ARHGAP10: variants seen among roughly 807,000 people sequenced by gnomAD.
The protein encoded by ARHGAP10 is Rho GTPase activating protein 10, also known as rho GTPase-activating protein 10.
In ARHGAP10, 87 loss-of-function variants were observed where a neutral mutation model predicts 108.6. The observed-to-expected ratio is 0.80, with a 90% CI of 0.67 to 0.96. ARHGAP10 has a LOEUF of 0.96. Among genes scored for constraint, ARHGAP10 ranks in the 40% least tolerant of loss-of-function variants. The pLI, the probability that ARHGAP10 is intolerant of heterozygous loss-of-function variation, is 0.00. For synonymous variants in ARHGAP10, 347 were observed against 341.1 expected, an observed-to-expected ratio of 1.02 and a Z score of -0.19; for missense variants, 939 against 954.5, an observed-to-expected ratio of 0.98 and a Z score of 0.21.
Position 147,855,990 on chromosome 4 carries a change from G to C in ARHGAP10, c.385-1563G>C, listed in dbSNP as rs78574876. Among the ~76,000 whole-genome samples, 190 of 152,260 alleles carry C rather than the reference G, an allele frequency of 1.2e-3. 2 individuals carry two copies. The East Asian group carries it at 0.021, about 17-fold the overall frequency. The stretch of plus-strand genomic sequence containing the variant: ...TGGAATAGTTCATTATTTTTGCTTT[G>C]GAAAATACAAGTTGGAAAATTAGGG... On this transcript the variant is annotated intron_variant, in intron 4 of 22. Transcript: ENST00000336498.
chr4:147,906,774 T>A, intron 11 of ARHGAP10, 55 bp downstream of exon 11: 28 of 1,588,510 alleles, frequency 1.8e-5, no homozygotes, highest in Non-Finnish European at 2.4e-5. Context: ...TTGACTTGCA[T>A]TCATTTTTAT....
intron 15 of ARHGAP10, among the ~76,000 whole-genome samples, chr4:147,947,909 CCTT>C (rs1738447799): frequency 2.0e-5 from 3 of 151,194 alleles, no homozygotes; most frequent in Non-Finnish European, 4.4e-5. Context: ...AACATTCCAT[CCTT>C]CTTAATTCAT....
chr4:147,814,984 A>G (rs370044058), intron 1 of ARHGAP10, among the ~76,000 whole-genome samples: 1 of 152,220 alleles, frequency 6.6e-6, no homozygotes, highest in African/African-American at 2.4e-5. Context: ...CCATTAAACC[A>G]GGCTTTCTTG....
chr4:147,836,944 A>G (rs1336042566), intron 3 of ARHGAP10, among the ~76,000 whole-genome samples: 1 of 152,220 alleles, frequency 6.6e-6, no homozygotes, highest in Non-Finnish European at 1.5e-5. Flanking sequence ...ATCTAAAAAT[A>G]GAACTAGTTA....
intron 8 of ARHGAP10, among the ~76,000 whole-genome samples, chr4:147,875,768 TG>T (rs1735033398): frequency 1.3e-5 from 2 of 152,228 alleles, no homozygotes; most frequent in African/African-American, 4.8e-5. Flanking sequence ...TTTTAGTCTT[TG>T]TTGCTGTCTT....
At chr4:147,886,856 C>T (rs182245271) in intron 10 of ARHGAP10, among the ~76,000 whole-genome samples, 64 of 152,256 alleles carry the variant, frequency 4.2e-4, no homozygotes, top group African/African-American at 1.3e-3. Flanking sequence ...CCGCAACCTC[C>T]GCCTCCTGGG....
rs1221272782 is a variant in ARHGAP10, at chr4:147,857,649, C to T, written c.481C>T (p.Gln161Ter). 1 of 1,472,478 alleles carries T rather than the reference C, an allele frequency of 6.8e-7. No individual in the cohort carries two copies. Among genetic ancestry groups the T allele is most frequent in the Non-Finnish European group, 9.0e-7 (1 of 1,111,806 alleles). 91.2% of individuals were successfully genotyped at this position (1,472,478 alleles called of 1,614,324 possible). A position where few individuals can be genotyped will look rare whatever the true frequency, so the allele number is the denominator to read the frequency against. The change falls in exon 5 of 23, where the codon CAA becomes TAA. Residue 161 changes from glutamine (Q) to a stop codon, truncating the protein, a stop_gained. Coordinates refer to ENST00000336498, the MANE Select transcript of ARHGAP10 (RefSeq NM_024605.4). LOFTEE classifies it high-confidence loss of function. ...AGCAAAAAAGAAAGACTCACATTTA[C>T]AAGAGGTATAATTTTTTATTTTTCT... ...LSAKKKDSHL[Q>*]EADIQVEQNR...
In ARHGAP10 at chr4:147,806,089, G is replaced by A. The variant is rs949417044; in HGVS notation, c.155-16638G>A. On this transcript the variant is annotated intron_variant, in intron 1 of 22. Transcript: ENST00000336498. ...TTGTTTATATTTATTTAACTCACAA[G>A]AACTACCATGCACACATACTGACGG... 7.2e-5 allele frequency among the ~76,000 whole-genome samples: 11 copies of A among 151,988 alleles called. No individual in the cohort carries two copies. In the South Asian group the frequency reaches 2.3e-3, roughly 32 times the overall value.
chr4:148,064,712 G>A (rs1398581294), intron 22 of ARHGAP10, among the ~76,000 whole-genome samples: 1 of 152,164 alleles, frequency 6.6e-6, no homozygotes, highest in African/African-American at 2.4e-5. Flanking sequence ...CACTATGCTT[G>A]CTTCTTGATT....
intron 13 of ARHGAP10, among the ~76,000 whole-genome samples, chr4:147,923,920 A>G (rs144616792): frequency 3.9e-4 from 60 of 152,356 alleles, no homozygotes; most frequent in Non-Finnish European, 7.5e-4. Flanking sequence ...TGCCAAGGGC[A>G]ATGAAGAAAA....
chr4:147,822,027 A>G (rs910183490), intron 1 of ARHGAP10, among the ~76,000 whole-genome samples: 2 of 152,242 alleles, frequency 1.3e-5, no homozygotes, highest in Non-Finnish European at 2.9e-5. Flanking sequence ...TTTGAATGAA[A>G]TGAAATGTGT....
At chr4:147,823,769 A>G (rs538292697) in intron 3 of ARHGAP10, among the ~76,000 whole-genome samples, 2 of 152,222 alleles carry the variant, frequency 1.3e-5, no homozygotes, top group South Asian at 4.2e-4. Flanking sequence ...AAAAAAAGAA[A>G]AAACAAAACA....
rs745309356 is a variant in ARHGAP10, at chr4:148,016,981, A to AT, written c.1717-6280dup. Among the ~76,000 whole-genome samples, 80 of 142,890 alleles carry AT rather than the reference A, an allele frequency of 5.6e-4. No individual in the cohort carries two copies. In the East Asian group the frequency reaches 1.0e-2, roughly 18 times the overall value. 93.7% of individuals were successfully genotyped at this position (142,890 alleles called of 152,430 possible). On this transcript the variant is annotated intron_variant, in intron 18 of 22. Coordinates refer to ENST00000336498, the MANE Select transcript of ARHGAP10 (RefSeq NM_024605.4). ...GGCAACATGGTGAAACCTCATCTCT[A>AT]TTAAAAAAAAAAAAAAAAAAAAAAC...
intron 18 of ARHGAP10, among the ~76,000 whole-genome samples, chr4:147,991,165 T>A (rs73853998): frequency 0.13 from 18,866 of 146,042 alleles, 2,030 homozygotes; most frequent in African/African-American, 0.29. Context: ...AAAAAATAAA[T>A]AAAAGAAAAC....
chr4:147,842,008 C>T (rs1375881117), intron 3 of ARHGAP10, among the ~76,000 whole-genome samples: 1 of 152,196 alleles, frequency 6.6e-6, no homozygotes, highest in Non-Finnish European at 1.5e-5. Flanking sequence ...TCTTGGCTCA[C>T]TGCAACCACT....
chr4:147,840,476 G>A (rs1001268151), intron 3 of ARHGAP10, among the ~76,000 whole-genome samples: 1 of 151,934 alleles, frequency 6.6e-6, no homozygotes, highest in Admixed American at 6.6e-5. Context: ...ACCCCAGTTG[G>A]AAATGGCTGT....
intron 22 of ARHGAP10, among the ~76,000 whole-genome samples, chr4:148,068,862 C>A (rs1730022051): frequency 6.6e-6 from 1 of 152,186 alleles, no homozygotes; most frequent in Non-Finnish European, 1.5e-5. Context: ...GTGGAAGGGA[C>A]CTGCCTCTCT....
chr4:148,003,958 C>A (rs549235342), intron 18 of ARHGAP10, among the ~76,000 whole-genome samples: 9 of 114,596 alleles, frequency 7.9e-5, no homozygotes, highest in Non-Finnish European at 1.2e-4. Flanking sequence ...TGCTAAGAGA[C>A]GTGAGAGAAA....
At chr4:148,001,430 G>GT (rs1408306083) in intron 18 of ARHGAP10, among the ~76,000 whole-genome samples, 5 of 152,134 alleles carry the variant, frequency 3.3e-5, no homozygotes, top group Middle Eastern at 6.3e-3. Context: ...CTTCAAAGTA[G>GT]TTTTTTCCAA....
Sources: gnomAD v4.1 joint callset for allele counts (sites outside exome capture counted in the v4.1 genomes callset) on GRCh38, gnomAD v4.1.1 for gene constraint, MANE v1.5 for transcripts, NCBI Gene and HGNC (gene_info 2026-07-23, HGNC 2026-07-21) for gene names.